Variants in MAN1A2 observed in about 807,000 individuals in gnomAD.
MAN1A2 encodes the protein mannosyl-oligosaccharide 1,2-alpha-mannosidase IB.
A neutral mutation model predicts 75.7 loss-of-function variants in MAN1A2; 26 were observed. The ratio of observed to expected loss-of-function variants is 0.34; its 90% CI spans 0.25 to 0.48. The LOEUF is 0.48. Ranked by LOEUF, MAN1A2 falls within the 20% of genes least tolerant of loss-of-function variation. MAN1A2 has a pLI of 0.99. For missense variants in MAN1A2, 562 were observed against 775.5 expected (o/e 0.72, Z 3.27); for synonymous variants, 247 against 264.6 (o/e 0.93, Z 0.65).
chr1:117,414,654 A>G, intron 3 of MAN1A2, 59 bp from the exon 4 acceptor site: 1 of 819,716 alleles, frequency 1.2e-6, no homozygotes, highest in South Asian at 1.5e-5. Context: ...TTTCCCCCCA[A>G]AGAGAACAGG....
chr1:117,526,880 C>CTCTCTATATATATA lies in MAN1A2; in HGVS notation c.*3924_*3925insCTCTATATATATAT. 131 of 54,494 alleles carry CTCTCTATATATATA rather than the reference C, an allele frequency of 2.4e-3. No homozygotes were observed. The highest frequency in any genetic ancestry group is 3.8e-3 in the African/African-American group (47 of 12,274). The allele number at this position is 54,494 out of a possible 1,614,324, so 3.4% of individuals were successfully genotyped here. ...TCTCTCTCTCTCTCTCTCTCTCTCT[C>CTCTCTATATATATA]TATATATATATATATATATATATAT... On this transcript the variant is annotated 3_prime_UTR_variant, in exon 13 of 13. Transcript: ENST00000356554.
At chr1:117,473,381 G>A (rs1323053108) in intron 8 of MAN1A2, among the ~76,000 whole-genome samples, 4 of 152,082 alleles carry the variant, frequency 2.6e-5, no homozygotes, top group South Asian at 2.1e-4. Flanking sequence ...ATAATAAATA[G>A]CATCCTAATT....
At chr1:117,521,253 G>C (rs1651863619) in intron 12 of MAN1A2, among the ~76,000 whole-genome samples, 1 of 151,926 alleles carries the variant, frequency 6.6e-6, no homozygotes, top group Admixed American at 6.6e-5. Flanking sequence ...GCTTAGGCAA[G>C]GATTTCATGA....
At chr1:117,490,195 G>GGT (rs138817476) in intron 8 of MAN1A2, among the ~76,000 whole-genome samples, 2,363 of 151,496 alleles carry the variant, frequency 0.016, 28 homozygotes, top group Non-Finnish European at 0.021. Flanking sequence ...TGCAGGGTTT[G>GGT]GTGTGTGTGT....
chr1:117,418,192 A>G (rs1049766382), intron 4 of MAN1A2, among the ~76,000 whole-genome samples: 1 of 152,174 alleles, frequency 6.6e-6, no homozygotes, highest in Non-Finnish European at 1.5e-5. Context: ...ATCAAATGCA[A>G]CAGGCACTGT....
intron 5 of MAN1A2, among the ~76,000 whole-genome samples, chr1:117,428,748 G>A (rs913659333): frequency 6.8e-5 from 10 of 146,296 alleles, no homozygotes; most frequent in Non-Finnish European, 1.5e-4. Flanking sequence ...TATACTTCAA[G>A]ATGAAAAGTA....
At chr1:117,468,833 A>G (rs1650055443) in intron 8 of MAN1A2, among the ~76,000 whole-genome samples, 1 of 152,168 alleles carries the variant, frequency 6.6e-6, no homozygotes, top group Non-Finnish European at 1.5e-5. Context: ...CTATAGAAAT[A>G]GAAACCAAAG....
At chr1:117,451,657 A>G (rs1313037486) in intron 6 of MAN1A2, among the ~76,000 whole-genome samples, 2 of 152,148 alleles carry the variant, frequency 1.3e-5, no homozygotes, top group Non-Finnish European at 2.9e-5. Flanking sequence ...GATGGTTTTA[A>G]AAAGGGGAGT....
At position 117,524,858 on chromosome 1, in the gene MAN1A2, G is replaced by GTA. The variant is rs1480364984; in HGVS notation, c.*1909_*1910dup. 7.4e-6 allele frequency: 2 copies of GTA among 271,066 alleles called. No homozygotes were observed. Among genetic ancestry groups the GTA allele is most frequent in the East Asian group, 7.9e-5 (1 of 12,610 alleles). 16.8% of individuals were successfully genotyped at this position (271,066 alleles called of 1,614,324 possible). ...ACATTTAAATTTCTAAATGAGAAAG[G>GTA]TATATATATTACTGTAACTGTAGAA... On this transcript the variant is annotated 3_prime_UTR_variant, in exon 13 of 13. Transcript: ENST00000356554.
At chr1:117,447,700 G>A (rs1649282726) in intron 6 of MAN1A2, among the ~76,000 whole-genome samples, 1 of 152,082 alleles carries the variant, frequency 6.6e-6, no homozygotes. Context: ...ATTTTATTCA[G>A]TAGATAGCCT....
chr1:117,412,991 C>G (rs747820725), intron 3 of MAN1A2, among the ~76,000 whole-genome samples: 1 of 151,804 alleles, frequency 6.6e-6, no homozygotes, highest in Non-Finnish European at 1.5e-5. Context: ...AGGACACAAA[C>G]AGTAGTCTCA....
chr1:117,378,543 A>G (rs1653230487), intron 1 of MAN1A2, among the ~76,000 whole-genome samples: 1 of 152,058 alleles, frequency 6.6e-6, no homozygotes, highest in African/African-American at 2.4e-5. Flanking sequence ...TGTTGCAAAA[A>G]CATTCTGTAC....
rs1368326358 is a variant in MAN1A2, at chr1:117,526,876, C to CTATATATA, written c.*3920_*3921insATATATAT. Reference sequence around the variant, plus strand: ...TCTCTCTCTCTCTCTCTCTCTCTCTCTCTCTATATATATATATATATATAT... The same window carrying CTATATATA: ...TCTCTCTCTCTCTCTCTCTCTCTCTCTATATATATCTCTATATATATATATATATATAT... On this transcript the variant is annotated 3_prime_UTR_variant, in exon 13 of 13. Coordinates refer to ENST00000356554, the MANE Select transcript of MAN1A2 (RefSeq NM_006699.5). 14 of 67,998 alleles carry CTATATATA rather than the reference C, an allele frequency of 2.1e-4. No individual in the cohort carries two copies. Among genetic ancestry groups the CTATATATA allele is most frequent in the African/African-American group, 6.5e-4 (11 of 16,972 alleles). 4.2% of individuals were successfully genotyped at this position (67,998 alleles called of 1,614,324 possible).
chr1:117,402,760 G>A (rs964263651), intron 2 of MAN1A2, among the ~76,000 whole-genome samples: 6 of 151,952 alleles, frequency 3.9e-5, no homozygotes, highest in African/African-American at 1.4e-4. Flanking sequence ...TGTCTAAGCA[G>A]TTTCTTAAAT....
At chr1:117,398,087 C>T (rs1647270430) in intron 1 of MAN1A2, among the ~76,000 whole-genome samples, 1 of 152,018 alleles carries the variant, frequency 6.6e-6, no homozygotes, top group Non-Finnish European at 1.5e-5. Flanking sequence ...AGGTAGTGTC[C>T]TAGGCATTGA....
chr1:117,463,114 T>G (rs968204433), intron 7 of MAN1A2, among the ~76,000 whole-genome samples: 2 of 150,684 alleles, frequency 1.3e-5, no homozygotes, highest in Admixed American at 1.3e-4. Context: ...TTATATTAAT[T>G]ATGTTAAAAA....
At chr1:117,407,225 A>C (rs943483149) in intron 3 of MAN1A2, among the ~76,000 whole-genome samples, 2 of 152,070 alleles carry the variant, frequency 1.3e-5, no homozygotes. Context: ...GTAGGAATAG[A>C]TCCATTATTA....
intron 1 of MAN1A2, among the ~76,000 whole-genome samples, chr1:117,374,633 A>G (rs1022106563): frequency 2.0e-5 from 3 of 152,218 alleles, no homozygotes; most frequent in African/African-American, 7.2e-5. Context: ...GTTAAGAGAC[A>G]GGGGCTTTAG....
intron 9 of MAN1A2, chr1:117,494,012 T>A (rs1650968187): frequency 6.6e-6 from 1 of 152,044 alleles, no homozygotes; most frequent in South Asian, 2.1e-4. Flanking sequence ...CAGGCACTGT[T>A]CTAACCCTTC....
Sources: gnomAD v4.1 joint callset for allele counts (sites outside exome capture counted in the v4.1 genomes callset) on GRCh38, gnomAD v4.1.1 for gene constraint, MANE v1.5 for transcripts, NCBI Gene and HGNC (gene_info 2026-07-23, HGNC 2026-07-21) for gene names.